The following LRP1B variants were observed in gnomAD, a reference collection of about 807,000 sequenced individuals.
LRP1B encodes low-density lipoprotein receptor-related protein 1B.
A neutral mutation model predicts 556.6 loss-of-function variants in LRP1B; 217 were observed. The ratio of observed to expected loss-of-function variants is 0.39; its 90% confidence interval spans 0.35 to 0.44. The LOEUF is 0.44. LRP1B is among the 20% of genes least tolerant of loss of function. The pLI, the probability that LRP1B is intolerant of heterozygous loss-of-function variation, is 1.00. For missense variants in LRP1B, 5,053 were observed against 5,620.8 expected, an observed-to-expected ratio of 0.90 and a Z score of 3.23; for synonymous variants, 2,047 against 1,865.8, an observed-to-expected ratio of 1.10 and a Z score of -2.50.
chr2:140,942,512 A>C (rs1216188469), intron 20 of LRP1B, among the ~76,000 whole-genome samples: 1 of 152,144 alleles, frequency 6.6e-6, no homozygotes, highest in Non-Finnish European at 1.5e-5. Context: ...GTCGGCATGA[A>C]AGAAAACATT....
intron 6 of LRP1B, among the ~76,000 whole-genome samples, chr2:141,192,373 T>A (rs1681553231): frequency 6.6e-6 from 1 of 151,912 alleles, no homozygotes; most frequent in African/African-American, 2.4e-5. Flanking sequence ...CAGAAAATGA[T>A]TTGAACATTT....
intron 82 of LRP1B, among the ~76,000 whole-genome samples, chr2:140,317,747 G>A (rs1684588858): frequency 3.3e-5 from 5 of 152,076 alleles, no homozygotes; most frequent in East Asian, 1.9e-4. Context: ...ATTATTATGG[G>A]GTACTCATTT....
At chr2:141,354,487 C>G (rs1172032726) in intron 3 of LRP1B, among the ~76,000 whole-genome samples, 1 of 151,976 alleles carries the variant, frequency 6.6e-6, no homozygotes, top group East Asian at 1.9e-4. Context: ...TAGGGACTTT[C>G]AAAGAGAACC....
chr2:140,704,515 G>C (rs1048703442), intron 37 of LRP1B, among the ~76,000 whole-genome samples: 1 of 151,586 alleles, frequency 6.6e-6, no homozygotes, highest in Non-Finnish European at 1.5e-5. Flanking sequence ...TTATTGGTAA[G>C]ATATAATTGA....
intron 1 of LRP1B, among the ~76,000 whole-genome samples, chr2:141,936,671 C>T (rs1700643758): frequency 6.6e-6 from 1 of 152,226 alleles, no homozygotes; most frequent in East Asian, 1.9e-4. Context: ...AACTGCCAAA[C>T]TCTGTTCTAT....
chr2:141,952,825 T>C (rs1212259519), intron 1 of LRP1B, among the ~76,000 whole-genome samples: 1 of 152,134 alleles, frequency 6.6e-6, no homozygotes, highest in Non-Finnish European at 1.5e-5. Context: ...AAAAAATAAG[T>C]TCATTGTGTG....
In LRP1B at chr2:142,046,117, A is replaced by G. The variant is rs533570908; in HGVS notation, c.82+84531T>C. ...AAAGTACTAAATGACTTCTTAACCC[A>G]GTTTCTCCTGTGTCTCCTTGTCTCT... On this transcript the variant is annotated intron_variant, in intron 1 of 90. Transcript: ENST00000389484. 2.6e-5 allele frequency among the ~76,000 whole-genome samples: 4 copies of G among 152,066 alleles called. 1 individual carries two copies. The South Asian group carries it at 8.3e-4, about 32-fold the overall frequency.
At chr2:141,465,289 A>G (rs568067349) in intron 3 of LRP1B, among the ~76,000 whole-genome samples, 6 of 152,214 alleles carry the variant, frequency 3.9e-5, no homozygotes, top group African/African-American at 1.2e-4. Flanking sequence ...AAAGTGTGGG[A>G]TATGCAGTGG....
At chr2:140,599,686 T>G (rs577589745) in intron 42 of LRP1B, among the ~76,000 whole-genome samples, 3 of 152,294 alleles carry the variant, frequency 2.0e-5, no homozygotes, top group Admixed American at 1.3e-4. Context: ...ATGCATAGAA[T>G]GTAAAGTATT....
At chr2:141,915,319 T>C (rs1700001415) in intron 1 of LRP1B, among the ~76,000 whole-genome samples, 1 of 152,130 alleles carries the variant, frequency 6.6e-6, no homozygotes, top group Non-Finnish European at 1.5e-5. Flanking sequence ...ACTGAACCTT[T>C]CACCATATAC....
At chr2:141,143,323 G>A (rs1226623031) in intron 7 of LRP1B, among the ~76,000 whole-genome samples, 1 of 152,024 alleles carries the variant, frequency 6.6e-6, no homozygotes, top group Non-Finnish European at 1.5e-5. Context: ...ATAGCATTAA[G>A]TGTCATGACT....
At chr2:140,330,199 CAATAATAATAATAATAATAAT>C (rs70985089) in intron 79 of LRP1B, among the ~76,000 whole-genome samples, 3,150 of 137,960 alleles carry the variant, frequency 0.023, 51 homozygotes, top group African/African-American at 0.034. Flanking sequence ...GACTCTGTCT[CAATAATAATAATAATAATAAT>C]AATAATAATA....
intron 65 of LRP1B, among the ~76,000 whole-genome samples, chr2:140,443,477 A>C (rs1052161417): frequency 6.6e-6 from 1 of 152,182 alleles, no homozygotes; most frequent in African/African-American, 2.4e-5. Flanking sequence ...ACTGGTACTG[A>C]CTTTATTCTG....
chr2:141,838,043 A>G (rs1326121602), intron 1 of LRP1B, among the ~76,000 whole-genome samples: 2 of 152,112 alleles, frequency 1.3e-5, no homozygotes, highest in Non-Finnish European at 2.9e-5. Context: ...GTTTAGCAAA[A>G]CACAGAGTAG....
chr2:141,674,358 A>G (rs546982528), intron 2 of LRP1B, among the ~76,000 whole-genome samples: 2 of 152,154 alleles, frequency 1.3e-5, no homozygotes, highest in South Asian at 4.1e-4. Context: ...ATCTTCACCC[A>G]TTGCATATGT....
At chr2:141,642,365 T>A (rs1295683293) in intron 2 of LRP1B, among the ~76,000 whole-genome samples, 1 of 152,146 alleles carries the variant, frequency 6.6e-6, no homozygotes, top group Admixed American at 6.6e-5. Flanking sequence ...TTAAAGTAAG[T>A]GGAAGTATTT....
intron 3 of LRP1B, among the ~76,000 whole-genome samples, chr2:141,401,945 A>G (rs553506645): frequency 6.6e-6 from 1 of 152,168 alleles, no homozygotes; most frequent in Non-Finnish European, 1.5e-5. Flanking sequence ...CAAATTTTTA[A>G]GCATGTAAAC....
At chr2:141,423,837 C>T (rs1425050672) in intron 3 of LRP1B, among the ~76,000 whole-genome samples, 1 of 146,666 alleles carries the variant, frequency 6.8e-6, no homozygotes, top group East Asian at 2.1e-4. Context: ...AAAAAAAAAA[C>T]CCTACATTTA....
Position 141,295,790 on chromosome 2 carries a change from CAT to C in LRP1B, c.344-41151_344-41150del, listed in dbSNP as rs1491431849. Among the ~76,000 whole-genome samples, 128 of 141,302 alleles carry C rather than the reference CAT, an allele frequency of 9.1e-4. No individual in the cohort carries two copies. In the Middle Eastern group the frequency reaches 0.026, roughly 28 times the overall value. The allele number at this position is 141,302 out of a possible 152,430, so 92.7% of individuals were successfully genotyped here. A position where few individuals can be genotyped will look rare whatever the true frequency, so the allele number is the denominator to read the frequency against. On this transcript the variant is annotated intron_variant, in intron 3 of 90. Coordinates refer to ENST00000389484, the MANE Select transcript of LRP1B (RefSeq NM_018557.3). ...ACACACACACACACACACACACACA[CAT>C]AACAGTGGGGCATCTAGCCTCTAAT...
Sources: allele counts gnomAD v4.1 joint callset (sites outside exome capture counted in the v4.1 genomes callset), GRCh38; gene constraint gnomAD v4.1.1; transcripts MANE v1.5; gene names NCBI Gene and HGNC (gene_info 2026-07-23, HGNC 2026-07-21).